Variants in CPNE5 observed in about 807,000 individuals in gnomAD.
CPNE5 encodes copine 5.
Under a neutral mutation model 81.1 loss-of-function variants are expected in CPNE5, and 42 were observed. That is an observed-to-expected ratio of 0.52 (90% CI 0.40 to 0.67). CPNE5 has a LOEUF of 0.67. Among genes scored for constraint, CPNE5 ranks in the 30% least tolerant of loss-of-function variants. CPNE5 has a pLI of 0.00. For missense variants in CPNE5, 612 were observed against 815.5 expected (o/e 0.75, Z 3.04); for synonymous variants, 313 against 321.5 (o/e 0.97, Z 0.28).
In CPNE5 at chr6:36,746,065, G is replaced by A. The variant is rs980461413; in HGVS notation, c.1200+331C>T. The A allele has an allele frequency of 1.5e-4, 90 of 611,844 alleles. No individual in the cohort carries two copies. The highest frequency in any genetic ancestry group is 1.8e-4 in the Non-Finnish European group (88 of 488,882). 37.9% of individuals were successfully genotyped at this position (611,844 alleles called of 1,614,324 possible). The stretch of plus-strand genomic sequence containing the variant: ...CATCCCATCTCAGCACTGACTCAGG[G>A]ATACCCAACCCACACCACCTTGTTC... On this transcript the variant is annotated intron_variant, in intron 16 of 20. Transcript: ENST00000244751. This position sits in a 1 kb window ranked among gnomAD's most constrained non-coding sequence, Gnocchi z 4.5.
chr6:36,800,176 G>T (rs1769980011), intron 3 of CPNE5, 106 bp from the exon 4 acceptor site: 2 of 689,894 alleles, frequency 2.9e-6, no homozygotes, highest in Admixed American at 5.8e-5. Context: ...GGTTCTGGCA[G>T]TTATGAAAGC....
At chr6:36,809,602 C>T (rs1289650688) in intron 3 of CPNE5, among the ~76,000 whole-genome samples, 2 of 151,806 alleles carry the variant, frequency 1.3e-5, no homozygotes, top group East Asian at 1.9e-4. Context: ...ACAACAACAA[C>T]AAAAAGCCAA....
intron 1 of CPNE5, among the ~76,000 whole-genome samples, chr6:36,832,198 G>A (rs1006461552): frequency 6.6e-6 from 1 of 152,178 alleles, no homozygotes; most frequent in African/African-American, 2.4e-5. Context: ...TGAGGAGCAG[G>A]CCTCAGAGAT....
At chr6:36,764,538 G>A (rs1196347394) in intron 11 of CPNE5, among the ~76,000 whole-genome samples, 3 of 152,142 alleles carry the variant, frequency 2.0e-5, no homozygotes, top group African/African-American at 7.2e-5. Context: ...GCCACAGAAT[G>A]GAAATGTCAC....
intron 4 of CPNE5, 70 bp from the exon 5 acceptor site, chr6:36,798,564 G>A: frequency 7.0e-7 from 1 of 1,424,648 alleles, no homozygotes; most frequent in South Asian, 1.2e-5. Context: ...GGGTTCTCAA[G>A]TTGAGTCAGG....
chr6:36,779,130 T>C (rs1184172373), intron 8 of CPNE5, among the ~76,000 whole-genome samples, 173 bp from the exon 9 acceptor site: 1 of 152,134 alleles, frequency 6.6e-6, no homozygotes, highest in Non-Finnish European at 1.5e-5. Context: ...GCAGACCACT[T>C]GGGTGGGGAA....
chr6:36,809,415 A>C (rs939774000), intron 3 of CPNE5, among the ~76,000 whole-genome samples: 5 of 152,134 alleles, frequency 3.3e-5, no homozygotes, highest in Non-Finnish European at 7.3e-5. Context: ...ATCTCCACAA[A>C]AAATAAGAAA....
chr6:36,788,419 G>A (rs921134864), intron 8 of CPNE5, among the ~76,000 whole-genome samples: 57 of 152,246 alleles, frequency 3.7e-4, no homozygotes, highest in African/African-American at 1.3e-3. Context: ...TCCCTGTACC[G>A]TGAGGGCTCG....
chr6:36,818,208 T>A (rs1366045804), intron 3 of CPNE5, among the ~76,000 whole-genome samples: 1 of 152,136 alleles, frequency 6.6e-6, no homozygotes, highest in Non-Finnish European at 1.5e-5. Flanking sequence ...AAATTCCATT[T>A]AAAAAAATCC....
In CPNE5 at chr6:36,748,252, G is replaced by A; in HGVS notation, c.987C>T (p.Phe329=). Reference sequence around the variant, plus strand: ...AGGCAGTGAAATCAATGGCCACAGTGAAGTTGATCTGGGTCCTAGAAGAGG... The same window carrying A: ...AGGCAGTGAAATCAATGGCCACAGTAAAGTTGATCTGGGTCCTAGAAGAGG... ...DYIKGGTQIN[F]TVAIDFTASN... is the part of the protein sequence containing the mutation. The change falls in exon 15 of 21, where the codon TTC becomes TTT. Residue 329 remains phenylalanine, a synonymous_variant. Coordinates refer to ENST00000244751, the MANE Select transcript of CPNE5 (RefSeq NM_020939.2). The A allele has an allele frequency of 6.2e-7, 1 of 1,614,154 alleles. No homozygotes were observed. The highest frequency in any genetic ancestry group is 8.5e-7 in the Non-Finnish European group (1 of 1,180,010).
chr6:36,773,811 TGATGAA>T (rs1767254415), intron 10 of CPNE5, among the ~76,000 whole-genome samples: 1 of 152,104 alleles, frequency 6.6e-6, no homozygotes, highest in Non-Finnish European at 1.5e-5. Flanking sequence ...ACTCAAATGA[TGATGAA>T]GATGATAGCC....
At chr6:36,810,971 G>A (rs1771048913) in intron 3 of CPNE5, among the ~76,000 whole-genome samples, 1 of 152,170 alleles carries the variant, frequency 6.6e-6, no homozygotes, top group South Asian at 2.1e-4. Flanking sequence ...AGAGACCAGG[G>A]TCAGGGTATG....
In CPNE5 at chr6:36,742,348, G is replaced by A; in HGVS notation, c.1702C>T (p.Pro568Ser). ...GGCGAGTGGGTTGGTGCTGCGGGTG[G>A]GGGACGCGGGCGAATGCCCTGTGCC... ...MKAQGIRPRP[P>S]PAAPTHSPSQ... The change falls in exon 21 of 21, where the codon CCA (proline) becomes TCA (serine). Residue 568 changes from proline (P) to serine (S), a missense_variant. Pro to Ser is a moderately conservative substitution (Grantham distance 74, BLOSUM62 -1). Transcript: ENST00000244751. 1 of 1,613,126 alleles carries A rather than the reference G, an allele frequency of 6.2e-7. No individual in the cohort carries two copies. The highest frequency in any genetic ancestry group is 8.5e-7 in the Non-Finnish European group (1 of 1,179,924).
intron 12 of CPNE5, among the ~76,000 whole-genome samples, chr6:36,758,983 TGAG>T (rs1249774896): frequency 5.3e-5 from 8 of 152,362 alleles, no homozygotes; most frequent in South Asian, 2.1e-4. Context: ...GCTGTTAAGA[TGAG>T]GGCAAAATGG....
Position 36,794,586 on chromosome 6 carries a change from G to C in CPNE5, c.464+4C>G, listed in dbSNP as rs369919746. 9.3e-6 allele frequency: 15 copies of C among 1,613,764 alleles called. No individual in the cohort carries two copies. The African/African-American group carries it at 1.6e-4, about 17-fold the overall frequency. ...TCCAGGGCCAGAGATGTCTGGCAAC[G>C]TACCCGTTGGACACAGCTGGCATGG... On this transcript the variant is annotated splice_donor_region_variant and intron_variant, in intron 7 of 20. Transcript: ENST00000244751.
intron 10 of CPNE5, among the ~76,000 whole-genome samples, chr6:36,772,010 C>G (rs1767079933): frequency 6.6e-6 from 1 of 152,090 alleles, no homozygotes. Flanking sequence ...CTGCCCCTCC[C>G]ACCAAATAAA....
chr6:36,802,287 A>G (rs922383236), intron 3 of CPNE5, among the ~76,000 whole-genome samples: 2 of 148,540 alleles, frequency 1.3e-5, no homozygotes, highest in African/African-American at 2.5e-5. Flanking sequence ...TTTTTTCCCC[A>G]CAATTATAAA....
At chr6:36,775,703 C>G (rs997766127) in intron 9 of CPNE5, among the ~76,000 whole-genome samples, 9 of 150,388 alleles carry the variant, frequency 6.0e-5, no homozygotes, top group African/African-American at 2.0e-4. Context: ...TCCTCCCAGA[C>G]TTTTTTTTTT....
intron 8 of CPNE5, among the ~76,000 whole-genome samples, chr6:36,790,421 T>G (rs1022566431): frequency 6.6e-6 from 1 of 152,142 alleles, no homozygotes; most frequent in Non-Finnish European, 1.5e-5. Flanking sequence ...TGAAGAGTTT[T>G]CCAGAGGTTA....
Sources: gnomAD v4.1 joint callset for allele counts (sites outside exome capture counted in the v4.1 genomes callset) on GRCh38, gnomAD v4.1.1 for gene constraint, Gnocchi (gnomAD v3.1) non-coding constraint, MANE v1.5 for transcripts, NCBI Gene and HGNC (gene_info 2026-07-23, HGNC 2026-07-21) for gene names.